Variants in LNX2 observed in about 807,000 individuals in gnomAD.
LNX2 encodes the protein ligand of Numb protein X 2.
LNX2 carries 35 observed loss-of-function variants against 66.2 expected under a neutral mutation model. The ratio of observed to expected loss-of-function variants is 0.53; its 90% CI spans 0.40 to 0.70. The LOEUF (loss-of-function observed/expected upper bound fraction) is 0.70, where lower values mean the gene tolerates loss of function less well. Among genes scored for constraint, LNX2 ranks in the 30% least tolerant of loss-of-function variants. LNX2 has a pLI of 0.00. For missense variants in LNX2, 791 were observed against 850.8 expected, an observed-to-expected ratio of 0.93 and a Z score of 0.87; for synonymous variants, 337 against 315.6, an observed-to-expected ratio of 1.07 and a Z score of -0.72.
chr13:27,567,672 C>A lies in LNX2; in HGVS notation c.823G>T (p.Gly275Trp). ...ATCTGGTCTCCAGCAAGAAGTCTCCCGTCTCTGGCAATGACCCCATCCCGA... is the reference window on the plus strand; with the variant it reads ...ATCTGGTCTCCAGCAAGAAGTCTCCAGTCTCTGGCAATGACCCCATCCCGA... ...VYRDGVIARD[G>W]RLLAGDQILQ... The change falls in exon 4 of 10, where the codon GGG becomes TGG. Residue 275 changes from glycine to tryptophan, a missense_variant. Physicochemically the swap from Gly to Trp is radical, Grantham distance 184. Coordinates refer to ENST00000316334, the MANE Select transcript of LNX2 (RefSeq NM_153371.4). 2 of 1,613,978 alleles carry A rather than the reference C, an allele frequency of 1.2e-6. No individual in the cohort carries two copies. Among genetic ancestry groups the A allele is most frequent in the Non-Finnish European group, 1.7e-6 (2 of 1,179,934 alleles).
At chr13:27,618,519 T>G (rs1267519371) in intron 1 of LNX2, among the ~76,000 whole-genome samples, 2 of 152,158 alleles carry the variant, frequency 1.3e-5, no homozygotes, top group Non-Finnish European at 2.9e-5. Flanking sequence ...TGCAGATATC[T>G]TTCTGGAATG....
intron 1 of LNX2, among the ~76,000 whole-genome samples, chr13:27,584,220 C>G (rs1014975959): frequency 1.4e-4 from 22 of 152,098 alleles, no homozygotes; most frequent in Admixed American, 2.6e-4. Context: ...TATGTATTTG[C>G]TTATTTATTT....
intron 2 of LNX2, among the ~76,000 whole-genome samples, chr13:27,571,583 T>A (rs1190757687): frequency 6.6e-6 from 1 of 152,192 alleles, no homozygotes; most frequent in East Asian, 1.9e-4. Context: ...GTCACGTAAT[T>A]CTGTGAATAC....
At position 27,592,411 on chromosome 13, in the gene LNX2, G is replaced by A. The variant is rs116723243; in HGVS notation, c.-100-10608C>T. Among the ~76,000 whole-genome samples, 479 of 152,280 alleles carry A rather than the reference G, an allele frequency of 3.1e-3. 2 individuals are homozygous for A. Among genetic ancestry groups the A allele is most frequent in the African/African-American group, 0.011 (456 of 41,544 alleles). On this transcript the variant is annotated intron_variant, in intron 1 of 9. Transcript: ENST00000316334. ...TTGATCTGAGCAACTGGAAAGATGG[G>A]GTTAGCATAACTGAGATGCACAAGT...
chr13:27,554,951 G>A (rs111646192), intron 7 of LNX2, among the ~76,000 whole-genome samples: 6,676 of 152,188 alleles, frequency 0.044, 206 homozygotes, highest in Non-Finnish European at 0.067. Context: ...GTATCTTACT[G>A]TGGTTTTGAT....
intron 1 of LNX2, among the ~76,000 whole-genome samples, chr13:27,588,084 C>T (rs1955511279): frequency 6.7e-6 from 1 of 150,126 alleles, no homozygotes; most frequent in Non-Finnish European, 1.5e-5. Flanking sequence ...CTTCAGAACC[C>T]TTTTATCCAC....
At chr13:27,616,268 A>G (rs1371598802) in intron 1 of LNX2, among the ~76,000 whole-genome samples, 1 of 152,140 alleles carries the variant, frequency 6.6e-6, no homozygotes, top group Non-Finnish European at 1.5e-5. Context: ...GAGTTTGTCT[A>G]AAGCCCTGGG....
At chr13:27,592,587 A>T (rs1302283019) in intron 1 of LNX2, among the ~76,000 whole-genome samples, 1 of 152,208 alleles carries the variant, frequency 6.6e-6, no homozygotes, top group Non-Finnish European at 1.5e-5. Flanking sequence ...ATAAATTAGG[A>T]AACACTGGTG....
chr13:27,607,624 G>T (rs1038843779), intron 1 of LNX2, among the ~76,000 whole-genome samples: 2 of 152,134 alleles, frequency 1.3e-5, no homozygotes, highest in African/African-American at 4.8e-5. Context: ...AATACTGACA[G>T]GTACAAACTC....
chr13:27,566,306 T>C (rs543159719), intron 4 of LNX2, among the ~76,000 whole-genome samples: 231 of 152,286 alleles, frequency 1.5e-3, no homozygotes, highest in African/African-American at 5.4e-3. Flanking sequence ...ATAAGGTGTT[T>C]GCAGGGAAGG....
At position 27,583,088 on chromosome 13, in the gene LNX2, A is replaced by C. The variant is rs191096360; in HGVS notation, c.-100-1285T>G. ...AAAAAAACCTGCCAAAATTCAATTA[A>C]ACAGATAAGATATGTTATACATTTC... On this transcript the variant is annotated intron_variant, in intron 1 of 9. Coordinates refer to ENST00000316334, the MANE Select transcript of LNX2 (RefSeq NM_153371.4). 1.6e-3 allele frequency among the ~76,000 whole-genome samples: 244 copies of C among 152,032 alleles called. 1 individual carries two copies. The highest frequency in any genetic ancestry group is 5.6e-3 in the African/African-American group (231 of 41,448).
At position 27,548,088 on chromosome 13, in the gene LNX2, A is replaced by G. The variant is rs1954963706; in HGVS notation, c.*247T>C. ...TCATTACCATAGGTAACATTTTAAC[A>G]ACTAAGTCTGAATTCTGAAAATATA... On this transcript the variant is annotated 3_prime_UTR_variant, in exon 10 of 10. Transcript: ENST00000316334. 2.2e-6 allele frequency: 1 copy of G among 453,400 alleles called. No homozygotes were observed. Among genetic ancestry groups the G allele is most frequent in the South Asian group, 3.0e-5 (1 of 33,356 alleles). The allele number at this position is 453,400 out of a possible 1,614,324, so 28.1% of individuals were successfully genotyped here. A position where few individuals can be genotyped will look rare whatever the true frequency, so the allele number is the denominator to read the frequency against.
At position 27,583,032 on chromosome 13, in the gene LNX2, A is replaced by G. The variant is rs573371094; in HGVS notation, c.-100-1229T>C. ...ATATAAATAACAGCGCAAATGCTGC[A>G]AAGTACAATACTATTTTATTCCACT... On this transcript the variant is annotated intron_variant, in intron 1 of 9. Transcript: ENST00000316334. 7.9e-5 allele frequency among the ~76,000 whole-genome samples: 12 copies of G among 152,256 alleles called. No homozygotes were observed. The East Asian group carries it at 1.9e-3, about 25-fold the overall frequency.
At chr13:27,549,164 T>C (rs1380514113) in intron 9 of LNX2, among the ~76,000 whole-genome samples, 6 of 151,988 alleles carry the variant, frequency 3.9e-5, no homozygotes, top group Non-Finnish European at 8.8e-5. Context: ...CCTAAAATGA[T>C]TTTTTTTCAT....
chr13:27,563,034 G>C (rs1435267037), intron 4 of LNX2, among the ~76,000 whole-genome samples: 2 of 152,144 alleles, frequency 1.3e-5, no homozygotes, highest in Non-Finnish European at 2.9e-5. Flanking sequence ...TGACGGTCTT[G>C]AATTAGAGTC....
intron 1 of LNX2, among the ~76,000 whole-genome samples, chr13:27,618,944 T>C (rs1484224936): frequency 6.6e-6 from 1 of 152,212 alleles, no homozygotes; most frequent in Non-Finnish European, 1.5e-5. Context: ...TTCAAATTAC[T>C]TCAGGGTAAC....
chr13:27,568,899 A>T, intron 3 of LNX2, 130 bp downstream of exon 3: 1 of 938,282 alleles, frequency 1.1e-6, no homozygotes, highest in South Asian at 2.0e-5. Flanking sequence ...TATCTCAATG[A>T]AGTTTCTTTT....
At chr13:27,561,464 C>T (rs1344424953) in intron 5 of LNX2, among the ~76,000 whole-genome samples, 3 of 152,090 alleles carry the variant, frequency 2.0e-5, no homozygotes, top group Non-Finnish European at 4.4e-5. Flanking sequence ...AGATATAGGT[C>T]CTAATGTTGC....
chr13:27,567,511 T>C, intron 4 of LNX2, 129 bp downstream of exon 4: 1 of 711,812 alleles, frequency 1.4e-6, no homozygotes, highest in South Asian at 1.8e-5. Flanking sequence ...AATTCTGATG[T>C]TTTGCATATA....
Sources: allele counts gnomAD v4.1 joint callset (sites outside exome capture counted in the v4.1 genomes callset), GRCh38; gene constraint gnomAD v4.1.1; transcripts MANE v1.5; gene names NCBI Gene and HGNC (gene_info 2026-07-23, HGNC 2026-07-21).